Variants in CDKN2B-AS1 observed in about 807,000 individuals in gnomAD.
The protein encoded by CDKN2B-AS1 is CDKN2B and CDKN2A antisense cis and trans regulatory RNA 1.
intron 4 of CDKN2B-AS1, among the ~76,000 whole-genome samples, chr9:22,093,035 T>A (rs199534431): frequency 6.6e-6 from 1 of 152,094 alleles, no homozygotes; most frequent in African/African-American, 2.4e-5. Context: ...CTTTGTTGTC[T>A]TTGGTTTCAA....
At chr9:22,057,379 T>C (rs1823615044) in intron 4 of CDKN2B-AS1, among the ~76,000 whole-genome samples, 1 of 152,246 alleles carries the variant, frequency 6.6e-6, no homozygotes, top group African/African-American at 2.4e-5. Flanking sequence ...ATGATTGTGA[T>C]CTTCCAAAGC....
intron 1 of CDKN2B-AS1, chr9:22,012,088 A>G: frequency 1.4e-6 from 1 of 690,484 alleles, no homozygotes; most frequent in South Asian, 1.7e-5. Context: ...TGACCTTGAT[A>G]TAGAAGTATG....
At chr9:22,032,471 G>A (rs1822517349) in intron 1 of CDKN2B-AS1, among the ~76,000 whole-genome samples, 1 of 152,168 alleles carries the variant, frequency 6.6e-6, no homozygotes, top group Non-Finnish European at 1.5e-5. Flanking sequence ...ACAGTGTGCT[G>A]CCTAGGGCTT....
At chr9:22,013,869 G>C (rs1400902416) in intron 1 of CDKN2B-AS1, among the ~76,000 whole-genome samples, 2 of 151,898 alleles carry the variant, frequency 1.3e-5, no homozygotes, top group African/African-American at 2.4e-5. Context: ...TTTGCTGAAT[G>C]CTTCTTTATA....
chr9:22,100,935 A>G (rs1233738843), intron 4 of CDKN2B-AS1, among the ~76,000 whole-genome samples: 1 of 152,190 alleles, frequency 6.6e-6, no homozygotes, highest in Non-Finnish European at 1.5e-5. Flanking sequence ...CTTATTAACC[A>G]TTCACGTGTC....
intron 1 of CDKN2B-AS1, among the ~76,000 whole-genome samples, chr9:22,046,162 A>G (rs1823101173): frequency 6.6e-6 from 1 of 152,092 alleles, no homozygotes; most frequent in Non-Finnish European, 1.5e-5. Flanking sequence ...TGTCTACTTC[A>G]CAAAGTGGAG....
chr9:22,019,227 T>A (rs749992694), intron 1 of CDKN2B-AS1, among the ~76,000 whole-genome samples: 33 of 152,240 alleles, frequency 2.2e-4, no homozygotes, highest in Non-Finnish European at 4.8e-4. Flanking sequence ...AAGCCATTGA[T>A]GTGTTTATAA....
intron 4 of CDKN2B-AS1, chr9:22,077,724 G>C (rs1485496682): frequency 6.6e-6 from 1 of 152,178 alleles, no homozygotes; most frequent in Non-Finnish European, 1.5e-5. Flanking sequence ...GGTGATAAAA[G>C]GACATTGGAC....
At chr9:22,008,858 C>G (rs1167941285) in intron 1 of CDKN2B-AS1, 2 of 1,611,412 alleles carry the variant, frequency 1.2e-6, no homozygotes, top group Non-Finnish European at 8.5e-7. Flanking sequence ...CTTCCAGGAG[C>G]TGTCGCACCT....
chr9:22,037,575 C>T (rs1587439364), intron 1 of CDKN2B-AS1, among the ~76,000 whole-genome samples: 3 of 152,098 alleles, frequency 2.0e-5, no homozygotes, highest in Admixed American at 2.0e-4. Flanking sequence ...CTTGCTGTTC[C>T]TGTTTGGTGT....
intron 3 of CDKN2B-AS1, among the ~76,000 whole-genome samples, chr9:22,049,704 A>AGT (rs1369194428): frequency 3.3e-5 from 5 of 152,224 alleles, no homozygotes; most frequent in African/African-American, 1.2e-4. Context: ...GACAGACCTG[A>AGT]GTCTGAATCT....
At chr9:22,099,977 T>G (rs918856743) in intron 4 of CDKN2B-AS1, among the ~76,000 whole-genome samples, 3 of 152,166 alleles carry the variant, frequency 2.0e-5, no homozygotes, top group Non-Finnish European at 4.4e-5. Flanking sequence ...TTTGTACATT[T>G]GATAGTTTGA....
At chr9:22,029,027 AATG>A (rs1262078523) in intron 1 of CDKN2B-AS1, among the ~76,000 whole-genome samples, 1 of 150,552 alleles carries the variant, frequency 6.6e-6, no homozygotes, top group African/African-American at 2.5e-5. Flanking sequence ...CATCAAAAAG[AATG>A]ATGATGCAAT....
chr9:22,096,100 G>A (rs1253433338), intron 4 of CDKN2B-AS1, among the ~76,000 whole-genome samples: 1 of 152,138 alleles, frequency 6.6e-6, no homozygotes, highest in Non-Finnish European at 1.5e-5. Flanking sequence ...TAGGGGTAGG[G>A]AATTCTAATC....
chr9:22,095,824 T>A (rs1191357899), intron 4 of CDKN2B-AS1, among the ~76,000 whole-genome samples: 2 of 150,598 alleles, frequency 1.3e-5, no homozygotes, highest in Admixed American at 6.6e-5. Context: ...GTTGAATTGA[T>A]CCCTTACCAT....
chr9:22,064,954 C>T lies in CDKN2B-AS1; in HGVS notation n.438+8567C>T, dbSNP rs184325948. On this transcript the variant is annotated intron_variant and non_coding_transcript_variant, in intron 4 of 4. Coordinates refer to ENST00000650946, the Ensembl canonical transcript of CDKN2B-AS1. ...AAAGCACTTTAACAACTCTAAATTA[C>T]GATATATATGCTAGGTTTTATTGTT... Among the ~76,000 whole-genome samples, 909 of 152,236 alleles carry T rather than the reference C, an allele frequency of 6.0e-3. 4 individuals are homozygous for T. Among genetic ancestry groups the T allele is most frequent in the Non-Finnish European group, 0.011 (726 of 68,018 alleles).
At chr9:22,028,290 GA>G (rs1208523800) in intron 1 of CDKN2B-AS1, among the ~76,000 whole-genome samples, 3 of 152,102 alleles carry the variant, frequency 2.0e-5, no homozygotes, top group Non-Finnish European at 4.4e-5. Flanking sequence ...ATCATCAACT[GA>G]TTGCAAACTG....
intron 2 of CDKN2B-AS1, among the ~76,000 whole-genome samples, chr9:22,048,130 T>G (rs760898414): frequency 6.6e-6 from 1 of 152,062 alleles, no homozygotes; most frequent in Admixed American, 6.6e-5. Flanking sequence ...ACCCAAAATA[T>G]GACATAAATA....
At position 22,003,872 on chromosome 9, in the gene CDKN2B-AS1, A is replaced by AT. The variant is rs1246422784; in HGVS notation, n.29+8714dup. The AT allele has an allele frequency of 6.0e-5, 14 of 232,110 alleles. No individual in the cohort carries two copies. The East Asian group carries it at 8.7e-4, about 14-fold the overall frequency. 14.4% of individuals were successfully genotyped at this position (232,110 alleles called of 1,614,324 possible). Reference sequence around the variant, plus strand: ...GAGCTTACAAGGGAGATCATTGTGTATTTCTGCTTTTTTTTAAAAAAAGTT... The same window carrying AT: ...GAGCTTACAAGGGAGATCATTGTGTATTTTCTGCTTTTTTTTAAAAAAAGTT... On this transcript the variant is annotated intron_variant and non_coding_transcript_variant, in intron 1 of 4. Transcript: ENST00000650946.
Sources: gnomAD v4.1 joint callset for allele counts (sites outside exome capture counted in the v4.1 genomes callset) on GRCh38, gnomAD v4.1.1 for gene constraint, MANE v1.5 for transcripts, NCBI Gene and HGNC (gene_info 2026-07-23, HGNC 2026-07-21) for gene names.